The following LARP4B variants were observed in gnomAD, a reference collection of about 807,000 sequenced individuals.
LARP4B encodes the protein La ribonucleoprotein 4B, also known as la-related protein 4B.
In LARP4B, 12 loss-of-function variants were observed where a neutral mutation model predicts 89.8. The ratio of observed to expected loss-of-function variants is 0.13; its 90% confidence interval spans 0.09 to 0.22. The LOEUF (loss-of-function observed/expected upper bound fraction) is 0.22, where lower values mean the gene tolerates loss of function less well. Among genes scored for constraint, LARP4B ranks in the 10% least tolerant of loss-of-function variants. LARP4B has a pLI of 1.00. For missense variants in LARP4B, 757 were observed against 947.7 expected, an observed-to-expected ratio of 0.80 and a Z score of 2.64; for synonymous variants, 367 against 363.3, an observed-to-expected ratio of 1.01 and a Z score of -0.12.
intron 3 of LARP4B, among the ~76,000 whole-genome samples, chr10:867,114 C>A (rs1834940041): frequency 6.6e-6 from 1 of 152,236 alleles, no homozygotes. Context: ...TAACCAATGA[C>A]TACCTCTTAG....
chr10:923,897 ATACTT>A (rs1837059819), intron 1 of LARP4B, among the ~76,000 whole-genome samples: 1 of 152,246 alleles, frequency 6.6e-6, no homozygotes, highest in Admixed American at 6.5e-5. Context: ...AATAACAAAT[ATACTT>A]TAAACAACTG....
chr10:835,638 C>T (rs1440910648), intron 8 of LARP4B, among the ~76,000 whole-genome samples: 2 of 152,204 alleles, frequency 1.3e-5, no homozygotes, highest in Non-Finnish European at 2.9e-5. Context: ...CAACACATAA[C>T]AGTAAATGGC....
chr10:926,467 A>G (rs1837135451), intron 1 of LARP4B, among the ~76,000 whole-genome samples: 1 of 152,214 alleles, frequency 6.6e-6, no homozygotes, highest in African/African-American at 2.4e-5. Context: ...CCTGATTAAA[A>G]GGTGGGGCAG....
chr10:839,280 T>C (rs1463879102), intron 7 of LARP4B, among the ~76,000 whole-genome samples: 1 of 152,220 alleles, frequency 6.6e-6, no homozygotes, highest in Non-Finnish European at 1.5e-5. Flanking sequence ...GATGTGTCAG[T>C]GTTGGTTTCA....
the LARP4B span, among the ~76,000 whole-genome samples, chr10:983,244 G>A: frequency 6.6e-6 from 1 of 152,182 alleles, no homozygotes; most frequent in African/African-American, 2.4e-5. Context: ...CCAGAAATAG[G>A]CCCATGGGAG....
chr10:814,789 G>A lies in LARP4B; in HGVS notation c.1882C>T (p.Leu628Phe). 6.2e-7 allele frequency: 1 copy of A among 1,604,830 alleles called. No homozygotes were observed. Among genetic ancestry groups the A allele is most frequent in the Non-Finnish European group, 8.5e-7 (1 of 1,174,190 alleles). ...ACCGATTTACACGCGGTCGCAGTGA[G>A]GGCGGAAGGAAGTCTGTCCACACTG... ...THSVDRLPSALTATACKSVQV... is the reference protein window; with the variant it reads ...THSVDRLPSAFTATACKSVQV... The change falls in exon 17 of 18, where the codon CTC becomes TTC. Residue 628 changes from leucine to phenylalanine, a missense_variant. By Grantham distance (22) the Leu-to-Phe change is conservative. Transcript: ENST00000316157. The surrounding 1 kb of genome is among the most constrained non-coding windows in gnomAD (Gnocchi z 4.4).
At position 812,743 on chromosome 10, in the gene LARP4B, C is replaced by T. The variant is rs1423516957; in HGVS notation, c.*183G>A. 2.3e-6 allele frequency: 1 copy of T among 432,924 alleles called. No individual in the cohort carries two copies. The highest frequency in any genetic ancestry group is 3.9e-6 in the Non-Finnish European group (1 of 256,668). The allele number at this position is 432,924 out of a possible 1,614,324, so 26.8% of individuals were successfully genotyped here. ...AAATAAGGTTTGTATTAATTAAATC[C>T]TGAAAAATCGATTTTTTTTCAAGAG... On this transcript the variant is annotated 3_prime_UTR_variant, in exon 18 of 18. Coordinates refer to ENST00000316157, the MANE Select transcript of LARP4B (RefSeq NM_015155.3).
the LARP4B span, among the ~76,000 whole-genome samples, chr10:970,626 G>A: frequency 6.6e-6 from 1 of 152,204 alleles, no homozygotes; most frequent in East Asian, 1.9e-4. Flanking sequence ...TCGAATGGGT[G>A]ACTGAATTCA....
At chr10:944,946 A>C in the LARP4B span, among the ~76,000 whole-genome samples, 1 of 152,244 alleles carries the variant, frequency 6.6e-6, no homozygotes, top group Admixed American at 6.5e-5. Flanking sequence ...AAATGTTAGC[A>C]ATTTGGAATT....
the LARP4B span, among the ~76,000 whole-genome samples, chr10:984,779 C>A: frequency 2.0e-5 from 3 of 152,080 alleles, no homozygotes; most frequent in East Asian, 1.9e-4. Flanking sequence ...CAAAAAGTAG[C>A]CAGGTGTGGT....
At chr10:872,699 G>A (rs1400124051) in intron 3 of LARP4B, among the ~76,000 whole-genome samples, 1 of 152,222 alleles carries the variant, frequency 6.6e-6, no homozygotes, top group Non-Finnish European at 1.5e-5. Context: ...GCCTCGGTCA[G>A]AAGGCACCAG....
Position 840,261 on chromosome 10 carries a change from G to A in LARP4B, c.646+2671C>T, listed in dbSNP as rs565341439. Among the ~76,000 whole-genome samples the A allele has an allele frequency of 4.6e-5, 7 of 152,170 alleles. No homozygotes were observed. In the East Asian group the frequency reaches 1.2e-3, roughly 25 times the overall value. On this transcript the variant is annotated intron_variant, in intron 7 of 17. Transcript: ENST00000316157. ...GTATGTAAATTCTACCTCCATACAG[G>A]CAGGGGTGACACCCTCTGCACTTCA...
intron 13 of LARP4B, among the ~76,000 whole-genome samples, chr10:821,273 A>C (rs1028578963): frequency 3.9e-5 from 6 of 152,146 alleles, no homozygotes; most frequent in African/African-American, 7.2e-5. Flanking sequence ...AAAAGACCCC[A>C]AATACCGCGT....
At chr10:833,588 C>T (rs1796215020) in intron 8 of LARP4B, among the ~76,000 whole-genome samples, 1 of 152,168 alleles carries the variant, frequency 6.6e-6, no homozygotes, top group Non-Finnish European at 1.5e-5. Context: ...GGGCTACACT[C>T]CCAATTAAAA....
At chr10:911,623 G>A (rs980851768) in intron 1 of LARP4B, among the ~76,000 whole-genome samples, 1 of 152,090 alleles carries the variant, frequency 6.6e-6, no homozygotes, top group African/African-American at 2.4e-5. Context: ...AAATCTAGAG[G>A]ACACTTCTAA....
downstream of LARP4B, chr10:809,419 G>C (rs1831659277): frequency 6.6e-6 from 1 of 152,204 alleles, no homozygotes; most frequent in Admixed American, 6.5e-5. Context: ...GAAGGCTTTA[G>C]GATCCAATCA....
intron 3 of LARP4B, among the ~76,000 whole-genome samples, chr10:871,485 C>T (rs1231565071): frequency 1.3e-5 from 2 of 152,028 alleles, no homozygotes; most frequent in East Asian, 3.9e-4. Context: ...GACTCAAAAG[C>T]CCTTACACCA....
chr10:964,523 G>A, the LARP4B span, among the ~76,000 whole-genome samples: 4 of 152,148 alleles, frequency 2.6e-5, no homozygotes, highest in African/African-American at 9.7e-5. Context: ...AAACGCTGTT[G>A]CAGCAGATGA....
At chr10:925,720 G>A (rs1837118079) in intron 1 of LARP4B, among the ~76,000 whole-genome samples, 1 of 152,090 alleles carries the variant, frequency 6.6e-6, no homozygotes, top group Non-Finnish European at 1.5e-5. Flanking sequence ...TTTTAGTACA[G>A]ACAGGTTTTC....
Sources: gnomAD v4.1 joint callset for allele counts (sites outside exome capture counted in the v4.1 genomes callset) on GRCh38, gnomAD v4.1.1 for gene constraint, Gnocchi (gnomAD v3.1) non-coding constraint, MANE v1.5 for transcripts, NCBI Gene and HGNC (gene_info 2026-07-23, HGNC 2026-07-21) for gene names.